NBAS: variants seen among roughly 807,000 people sequenced by gnomAD.
The protein encoded by NBAS is NBAS subunit of NRZ tethering complex.
Under a neutral mutation model 302.5 loss-of-function variants are expected in NBAS, and 219 were observed. The observed-to-expected ratio is 0.72, with a 90% CI of 0.65 to 0.81. The LOEUF is 0.81. Among genes scored for constraint, NBAS ranks in the 30% least tolerant of loss-of-function variants. The pLI is 0.00. For missense variants in NBAS, 2,932 were observed against 2,841.6 expected (o/e 1.03, Z -0.72); for synonymous variants, 1,118 against 1,021.6 (o/e 1.09, Z -1.80).
At chr2:14,979,203 C>A in the NBAS span, among the ~76,000 whole-genome samples, 2 of 152,064 alleles carry the variant, frequency 1.3e-5, no homozygotes, top group African/African-American at 4.8e-5. Context: ...TATCTCCAAG[C>A]CTGGAACTCA....
intron 44 of NBAS, among the ~76,000 whole-genome samples, chr2:15,271,780 C>T (rs1439181660): frequency 6.6e-6 from 1 of 152,200 alleles, no homozygotes; most frequent in East Asian, 1.9e-4. Context: ...TTCTGACCTG[C>T]CTTTCAGCCT....
chr2:15,316,447 T>A (rs1423603491), intron 38 of NBAS, among the ~76,000 whole-genome samples: 1 of 152,152 alleles, frequency 6.6e-6, no homozygotes, highest in Non-Finnish European at 1.5e-5. Flanking sequence ...TGCAAGGGGT[T>A]GGGGGATTTC....
At chr2:15,205,998 T>C (rs1666124126) in intron 48 of NBAS, among the ~76,000 whole-genome samples, 1 of 151,950 alleles carries the variant, frequency 6.6e-6, no homozygotes, top group Non-Finnish European at 1.5e-5. Context: ...CCTGAAAATG[T>C]GGAAGCACCA....
At chr2:14,873,832 T>C in the NBAS span, among the ~76,000 whole-genome samples, 4 of 142,476 alleles carry the variant, frequency 2.8e-5, no homozygotes, top group African/African-American at 6.0e-5. Flanking sequence ...ACTTAAAATA[T>C]ATTGCATTAC....
chr2:15,447,134 C>A (rs751951560), intron 21 of NBAS, among the ~76,000 whole-genome samples: 15 of 152,176 alleles, frequency 9.9e-5, no homozygotes, highest in Non-Finnish European at 2.1e-4. Flanking sequence ...TAAACAAATA[C>A]CAGTTTAAAA....
At chr2:15,534,019 AAATCACTGGAAGTAGAAAATGCCAT>A (rs1439243775) in intron 9 of NBAS, among the ~76,000 whole-genome samples, 4 of 152,292 alleles carry the variant, frequency 2.6e-5, no homozygotes, top group Admixed American at 2.6e-4. Flanking sequence ...TAAAGGGGAG[AAATCACTGGAAGTAGAAAATGCCAT>A]AAGGTTTCTA....
rs1362590123 is a variant in NBAS, at chr2:15,533,039, G to C, written c.746+1504C>G. The stretch of plus-strand genomic sequence containing the variant: ...AGCTACTCAGTTTCATCAGTAACCA[G>C]GGAAGTACAAATTAAAACCAGAGTG... On this transcript the variant is annotated intron_variant, in intron 9 of 51. Coordinates refer to ENST00000281513, the MANE Select transcript of NBAS (RefSeq NM_015909.4). Among the ~76,000 whole-genome samples, 4 of 152,204 alleles carry C rather than the reference G, an allele frequency of 2.6e-5. No individual in the cohort carries two copies. The East Asian group carries it at 7.7e-4, about 29-fold the overall frequency.
intron 41 of NBAS, among the ~76,000 whole-genome samples, chr2:15,287,795 AGCACCCC>A: frequency 1.3e-5 from 2 of 151,496 alleles, no homozygotes; most frequent in African/African-American, 4.9e-5. Flanking sequence ...AAACATCCTG[AGCACCCC>A]GTGTAGGCAT....
chr2:15,201,178 T>C (rs1308443963), intron 48 of NBAS, among the ~76,000 whole-genome samples: 1 of 152,240 alleles, frequency 6.6e-6, no homozygotes, highest in East Asian at 1.9e-4. Context: ...GAGACTCATA[T>C]AATGACACTT....
Position 15,383,298 on chromosome 2 carries a change from A to G in NBAS, c.3277T>C (p.Ser1093Pro), listed in dbSNP as rs1675133095. 6.2e-7 allele frequency: 1 copy of G among 1,613,950 alleles called. No individual in the cohort carries two copies. Among genetic ancestry groups the G allele is most frequent in the Non-Finnish European group, 8.5e-7 (1 of 1,179,916 alleles). ...TCTTGCAGCAACGTTCTCCAATGAG[A>G]CTCACTGACAGGAGGCTGCCTGGAA... ...TGRKQPPVSE[S>P]HWRTLLQDML... The change falls in exon 29 of 52, where the codon TCT becomes CCT. Residue 1093 changes from serine (S) to proline (P), a missense_variant. Physicochemically the swap from Ser to Pro is moderately conservative, Grantham distance 74 (BLOSUM62 -1). Coordinates refer to ENST00000281513, the MANE Select transcript of NBAS (RefSeq NM_015909.4).
chr2:15,017,896 C>T, the NBAS span, among the ~76,000 whole-genome samples: 843 of 152,018 alleles, frequency 5.5e-3, 10 homozygotes, highest in African/African-American at 0.019. Flanking sequence ...CACCAAGGTT[C>T]CCAATAATAG....
the NBAS span, among the ~76,000 whole-genome samples, chr2:15,124,600 T>G: frequency 2.0e-5 from 3 of 152,150 alleles, no homozygotes; most frequent in Non-Finnish European, 4.4e-5. Context: ...TCCAGAGGCC[T>G]AGGAGGAAAG....
chr2:15,453,969 G>A (rs889378155), intron 21 of NBAS, among the ~76,000 whole-genome samples: 2 of 151,992 alleles, frequency 1.3e-5, no homozygotes, highest in Non-Finnish European at 2.9e-5. Context: ...AGTAGAGACA[G>A]GGTTTCACCA....
the NBAS span, among the ~76,000 whole-genome samples, chr2:14,819,914 C>A: frequency 6.6e-6 from 1 of 152,270 alleles, no homozygotes; most frequent in South Asian, 2.1e-4. Context: ...ATGAAAAGGT[C>A]CTCAACATCA....
At chr2:14,798,611 C>T in the NBAS span, among the ~76,000 whole-genome samples, 1 of 152,168 alleles carries the variant, frequency 6.6e-6, no homozygotes, top group African/African-American at 2.4e-5. Flanking sequence ...TGAATTATTG[C>T]TTCCTCTTTA....
chr2:14,840,034 A>T, the NBAS span, among the ~76,000 whole-genome samples: 1 of 152,048 alleles, frequency 6.6e-6, no homozygotes, highest in African/African-American at 2.4e-5. Context: ...CACCAAGATA[A>T]CACAAGAAAG....
At chr2:15,017,137 C>T in the NBAS span, among the ~76,000 whole-genome samples, 1 of 151,962 alleles carries the variant, frequency 6.6e-6, no homozygotes, top group Admixed American at 6.6e-5. Context: ...ACTAGGCCCC[C>T]ACCTCTCACC....
At chr2:15,037,291 C>T in the NBAS span, among the ~76,000 whole-genome samples, 1 of 152,154 alleles carries the variant, frequency 6.6e-6, no homozygotes, top group African/African-American at 2.4e-5. Context: ...CTAGGAGACA[C>T]CCCGACTTCT....
chr2:15,144,154 C>T, the NBAS span, among the ~76,000 whole-genome samples: 8 of 150,988 alleles, frequency 5.3e-5, no homozygotes, highest in Admixed American at 2.0e-4. Context: ...CCCCAGGGCC[C>T]ACCCACGGTC....
Sources: allele counts gnomAD v4.1 joint callset (sites outside exome capture counted in the v4.1 genomes callset), GRCh38; gene constraint gnomAD v4.1.1; transcripts MANE v1.5; gene names NCBI Gene and HGNC (gene_info 2026-07-23, HGNC 2026-07-21).